The following BST1 variants were observed in gnomAD, a reference collection of about 807,000 sequenced individuals.
The protein encoded by BST1 is ADP-ribosyl cyclase/cyclic ADP-ribose hydrolase 2.
BST1 carries 49 observed loss-of-function variants against 40.6 expected under a neutral mutation model. That is an observed-to-expected ratio of 1.21 (90% CI 0.96 to 1.53). BST1 has a LOEUF of 1.53. Ranked by LOEUF, BST1 falls within the 40% of genes most tolerant of loss-of-function variation. The pLI is 0.00. For synonymous variants in BST1, 157 were observed against 159.3 expected (o/e 0.99, Z 0.11); for missense variants, 423 against 395.9 (o/e 1.07, Z -0.58).
the BST1 span, among the ~76,000 whole-genome samples, chr4:15,761,130 C>T: frequency 2.6e-5 from 4 of 151,918 alleles, no homozygotes; most frequent in East Asian, 1.9e-4. Context: ...CCTCAACCCC[C>T]GCCTCCCGGG....
chr4:15,714,835 G>A (rs1471162191), intron 4 of BST1, among the ~76,000 whole-genome samples: 1 of 152,160 alleles, frequency 6.6e-6, no homozygotes, highest in African/African-American at 2.4e-5. Flanking sequence ...TCTATGATTT[G>A]TCACTGTCTC....
chr4:15,703,244 T>A lies in BST1; in HGVS notation c.100T>A (p.Trp34Arg). The change falls in exon 1 of 9, where the codon TGG becomes AGG. Residue 34 changes from tryptophan to arginine, a missense_variant. By Grantham distance (101) the Trp-to-Arg change is moderately radical. Coordinates refer to ENST00000265016, the MANE Select transcript of BST1 (RefSeq NM_004334.3). Reference sequence around the variant, plus strand: ...GGCGGCGGGCGGGGCGCGCGCGCGGTGGCGCGGGGAGGGCACCAGCGCACA... The same window carrying A: ...GGCGGCGGGCGGGGCGCGCGCGCGGAGGCGCGGGGAGGGCACCAGCGCACA... ...LLAAGGARAR[W>R]RGEGTSAHLR... The A allele has an allele frequency of 6.5e-7, 1 of 1,542,166 alleles. No individual in the cohort carries two copies. The highest frequency in any genetic ancestry group is 8.7e-7 in the Non-Finnish European group (1 of 1,146,618).
downstream of BST1, among the ~76,000 whole-genome samples, chr4:15,738,537 G>C (rs928873925): frequency 6.6e-6 from 1 of 152,034 alleles, no homozygotes; most frequent in Non-Finnish European, 1.5e-5. Flanking sequence ...AATATTGTTT[G>C]ATTTAAAAAT....
chr4:15,746,967 T>A, the BST1 span, among the ~76,000 whole-genome samples: 6 of 152,290 alleles, frequency 3.9e-5, no homozygotes, highest in Admixed American at 1.3e-4. Flanking sequence ...CATCAGAAGA[T>A]CTGAGTATTC....
At chr4:15,744,300 G>T in the BST1 span, among the ~76,000 whole-genome samples, 2 of 152,158 alleles carry the variant, frequency 1.3e-5, no homozygotes, top group East Asian at 3.9e-4. Context: ...TTGACTCAGG[G>T]TCCCACGTGG....
chr4:15,737,757 G>C, downstream of BST1: 1 of 1,281,370 alleles, frequency 7.8e-7, no homozygotes, highest in Non-Finnish European at 1.0e-6. Flanking sequence ...CGATAGACTT[G>C]GTAACAAGGT....
rs1410408529 is a variant in BST1, at chr4:15,715,764, G to A, written c.669G>A (p.Glu223=). The A allele has an allele frequency of 1.3e-6, 2 of 1,599,472 alleles. No individual in the cohort carries two copies. Among genetic ancestry groups the A allele is most frequent in the South Asian group, 1.1e-5 (1 of 86,958 alleles). ...AGAAGGAAAAAATTACACGAATCGA[G>A]ATCTGGGTTATGCATGAAATTGGGG... The part of the protein sequence containing the change: ...NLQKEKITRI[E]IWVMHEIGGP... The change falls in exon 6 of 9, where the codon GAG becomes GAA. Residue 223 remains glutamate, a synonymous_variant. Coordinates refer to ENST00000265016, the MANE Select transcript of BST1 (RefSeq NM_004334.3).
At chr4:15,760,769 G>C in the BST1 span, among the ~76,000 whole-genome samples, 2 of 151,154 alleles carry the variant, frequency 1.3e-5, no homozygotes, top group Non-Finnish European at 2.9e-5. Context: ...GCTTACTGCA[G>C]TCTCCACTTC....
intron 8 of BST1, among the ~76,000 whole-genome samples, chr4:15,727,643 G>A (rs1323287739): frequency 6.6e-6 from 1 of 152,132 alleles, no homozygotes; most frequent in African/African-American, 2.4e-5. Flanking sequence ...TTCAATGCTT[G>A]ATGTCACTGT....
At chr4:15,741,763 G>A (rs989146097), downstream of BST1, among the ~76,000 whole-genome samples, 4 of 152,120 alleles carry the variant, frequency 2.6e-5, no homozygotes, top group Non-Finnish European at 5.9e-5. Context: ...TATCTATTCC[G>A]CTTCTGAGCT....
intron 3 of BST1, among the ~76,000 whole-genome samples, chr4:15,711,255 A>G (rs544537617): frequency 1.3e-5 from 2 of 152,242 alleles, no homozygotes; most frequent in South Asian, 4.1e-4. Flanking sequence ...CATCCCATTG[A>G]TCTGCTAGGG....
chr4:15,752,040 A>T, the BST1 span, among the ~76,000 whole-genome samples: 4 of 152,342 alleles, frequency 2.6e-5, no homozygotes, highest in East Asian at 3.9e-4. Flanking sequence ...ATAAAAGATT[A>T]AAAAACTTTG....
chr4:15,725,072 G>C (rs1018227418), intron 8 of BST1, among the ~76,000 whole-genome samples: 12 of 152,164 alleles, frequency 7.9e-5, no homozygotes, highest in African/African-American at 2.9e-4. Context: ...GTTACTGAGA[G>C]AGAAATAAAC....
At chr4:15,769,918 C>A in the BST1 span, among the ~76,000 whole-genome samples, 1 of 152,114 alleles carries the variant, frequency 6.6e-6, no homozygotes, top group East Asian at 1.9e-4. Context: ...CAGTTCACTG[C>A]AACTTCCACC....
downstream of BST1, chr4:15,735,954 A>G (rs1033890391): frequency 1.6e-6 from 1 of 637,476 alleles, no homozygotes; most frequent in Non-Finnish European, 2.4e-6. Flanking sequence ...TCTACACAAT[A>G]CAGAAAAATT....
chr4:15,704,897 AT>A (rs1165441919), intron 1 of BST1: 2 of 765,386 alleles, frequency 2.6e-6, no homozygotes, highest in South Asian at 1.4e-5. Flanking sequence ...TGTGCTGATC[AT>A]TTTTATTGTC....
At chr4:15,717,417 C>T (rs781674364) in intron 6 of BST1, among the ~76,000 whole-genome samples, 9 of 152,154 alleles carry the variant, frequency 5.9e-5, no homozygotes, top group Non-Finnish European at 1.2e-4. Flanking sequence ...CTAATAACCA[C>T]AGCTGGTGGT....
intron 6 of BST1, among the ~76,000 whole-genome samples, chr4:15,717,835 C>G (rs1248889789): frequency 1.3e-5 from 2 of 152,188 alleles, no homozygotes; most frequent in Non-Finnish European, 2.9e-5. Flanking sequence ...CAAAGGCTTA[C>G]TGGGCATTTT....
chr4:15,749,416 C>T, the BST1 span, among the ~76,000 whole-genome samples: 1 of 152,070 alleles, frequency 6.6e-6, no homozygotes, highest in Non-Finnish European at 1.5e-5. Flanking sequence ...TGTTATTTTA[C>T]TTTATTCAGG....
Sources: gnomAD v4.1 joint callset for allele counts (sites outside exome capture counted in the v4.1 genomes callset) on GRCh38, gnomAD v4.1.1 for gene constraint, MANE v1.5 for transcripts, NCBI Gene and HGNC (gene_info 2026-07-23, HGNC 2026-07-21) for gene names.